Variants in SHC4 observed in about 807,000 individuals in gnomAD.
The protein encoded by SHC4 is SHC-transforming protein 4.
A neutral mutation model predicts 69.4 loss-of-function variants in SHC4; 41 were observed. The observed-to-expected ratio is 0.59, with a 90% CI of 0.46 to 0.77. The LOEUF is 0.77. Among genes scored for constraint, SHC4 ranks in the 30% least tolerant of loss-of-function variants. SHC4 has a pLI of 0.00. For missense variants in SHC4, 777 were observed against 783.8 expected (o/e 0.99, Z 0.10); for synonymous variants, 318 against 299.3 (o/e 1.06, Z -0.64).
At position 48,844,383 on chromosome 15, in the gene SHC4, T is replaced by C. The variant is rs538364027; in HGVS notation, c.1304-795A>G. ...AACAAGCTGTAGGCCTTGCTCTGTC[T>C]ACCCAGCTACCCTTCTTCCTCTCTC... On this transcript the variant is annotated intron_variant, in intron 9 of 11. Transcript: ENST00000332408. 7.9e-5 allele frequency among the ~76,000 whole-genome samples: 12 copies of C among 152,316 alleles called. No homozygotes were observed. The South Asian group carries it at 2.5e-3, about 32-fold the overall frequency.
intron 3 of SHC4, among the ~76,000 whole-genome samples, chr15:48,886,348 A>C (rs894337868): frequency 4.6e-5 from 7 of 152,204 alleles, no homozygotes; most frequent in African/African-American, 1.7e-4. Flanking sequence ...AAGAACTTTT[A>C]CGTAAATCAT....
At chr15:48,838,365 C>T (rs1477379291) in intron 10 of SHC4, among the ~76,000 whole-genome samples, 5 of 152,040 alleles carry the variant, frequency 3.3e-5, no homozygotes, top group African/African-American at 1.2e-4. Context: ...TAAATTTTAG[C>T]AAGTAAGCTA....
intron 3 of SHC4, among the ~76,000 whole-genome samples, chr15:48,886,146 ACT>A (rs71432269): frequency 0.13 from 20,060 of 152,088 alleles, 1,542 homozygotes; most frequent in Non-Finnish European, 0.17. Flanking sequence ...AATCCCAGCT[ACT>A]GAGGAGGCTG....
At chr15:48,878,397 G>A (rs780651046) in intron 4 of SHC4, 2 of 1,612,090 alleles carry the variant, frequency 1.2e-6, no homozygotes, top group Non-Finnish European at 1.7e-6. Context: ...GGGAAACGGA[G>A]CCTTGCTAAC....
chr15:48,847,652 C>G (rs1393631611), intron 9 of SHC4, among the ~76,000 whole-genome samples: 1 of 152,210 alleles, frequency 6.6e-6, no homozygotes, highest in Non-Finnish European at 1.5e-5. Flanking sequence ...ATTTGCTATT[C>G]TGGCAACTGC....
At chr15:48,899,044 G>GAAA (rs765788629) in intron 2 of SHC4, among the ~76,000 whole-genome samples, 1 of 87,850 alleles carries the variant, frequency 1.1e-5, no homozygotes, top group Non-Finnish European at 2.5e-5. Context: ...AGCTCATTTA[G>GAAA]AAAAAAAAAA....
intron 4 of SHC4, chr15:48,877,984 G>C (rs914286097): frequency 1.7e-6 from 1 of 582,624 alleles, no homozygotes; most frequent in Admixed American, 3.6e-5. Flanking sequence ...CTCAAAAGGC[G>C]ACGCCAACAC....
At chr15:48,893,194 A>G (rs896955308) in intron 2 of SHC4, among the ~76,000 whole-genome samples, 3 of 152,178 alleles carry the variant, frequency 2.0e-5, no homozygotes, top group African/African-American at 7.2e-5. Flanking sequence ...CCTTCCTGGC[A>G]GGGAGGGGAT....
chr15:48,882,069 A>G (rs1899956978), intron 4 of SHC4, among the ~76,000 whole-genome samples: 1 of 152,160 alleles, frequency 6.6e-6, no homozygotes, highest in Non-Finnish European at 1.5e-5. Context: ...ATTTCTTTGT[A>G]TTTATTTTAG....
intron 5 of SHC4, among the ~76,000 whole-genome samples, chr15:48,870,712 TTAAA>T (rs979848991): frequency 2.6e-5 from 4 of 152,112 alleles, no homozygotes; most frequent in African/African-American, 9.7e-5. Context: ...TTTGACATGC[TTAAA>T]TACTTTAGGT....
chr15:48,959,401 G>T (rs1307498122), intron 1 of SHC4, among the ~76,000 whole-genome samples: 3 of 152,138 alleles, frequency 2.0e-5, no homozygotes, highest in Non-Finnish European at 4.4e-5. Context: ...GATTCATTTT[G>T]TTCATGGATG....
At position 48,843,588 on chromosome 15, in the gene SHC4, C is replaced by T; in HGVS notation, c.1304G>A (p.Gly435Asp). 1 of 1,613,108 alleles carries T rather than the reference C, an allele frequency of 6.2e-7. No homozygotes were observed. The highest frequency in any genetic ancestry group is 1.1e-5 in the South Asian group (1 of 90,982). ...ENCLEQSRAI[G>D]NVHPRGVQSQ... ...CTGCACCCCTCTTGGATGGACATTACCTGTAGTGATTAGTAGTGATCAATA... is the reference window on the plus strand; with the variant it reads ...CTGCACCCCTCTTGGATGGACATTATCTGTAGTGATTAGTAGTGATCAATA... Residue 435 changes from glycine (G) to aspartate (D), a missense_variant and splice_region_variant, in exon 10 of 12, where the codon GGT (glycine) becomes GAT (aspartate). By Grantham distance (94) the Gly-to-Asp change is moderately conservative. Transcript: ENST00000332408.
At chr15:48,832,683 G>A (rs1345718982) in intron 11 of SHC4, among the ~76,000 whole-genome samples, 1 of 151,886 alleles carries the variant, frequency 6.6e-6, no homozygotes, top group Admixed American at 6.6e-5. Context: ...TGCATAAACT[G>A]GTCTGCTTGA....
At chr15:48,884,491 G>T in intron 3 of SHC4, 124 bp from the exon 4 acceptor site, 1 of 807,960 alleles carries the variant, frequency 1.2e-6, no homozygotes, top group Non-Finnish European at 1.7e-6. Flanking sequence ...TTTACTTTAT[G>T]TAAATCAAAT....
chr15:48,907,099 C>A (rs1221129858), intron 2 of SHC4, among the ~76,000 whole-genome samples: 1 of 151,810 alleles, frequency 6.6e-6, no homozygotes, highest in African/African-American at 2.4e-5. Context: ...CTACAATAAG[C>A]CAGATTTACT....
intron 9 of SHC4, among the ~76,000 whole-genome samples, chr15:48,849,110 T>C (rs767770161): frequency 1.3e-5 from 2 of 152,140 alleles, no homozygotes; most frequent in Admixed American, 1.3e-4. Flanking sequence ...AGGATGCTGT[T>C]GTAGGTTCGA....
At chr15:48,835,705 T>C (rs566074682) in intron 10 of SHC4, among the ~76,000 whole-genome samples, 59 of 151,590 alleles carry the variant, frequency 3.9e-4, no homozygotes, top group South Asian at 3.3e-3. Flanking sequence ...TTGTCCAGAG[T>C]TGAGAGCACT....
intron 4 of SHC4, among the ~76,000 whole-genome samples, chr15:48,872,984 C>T (rs1899714914): frequency 6.6e-6 from 1 of 152,102 alleles, no homozygotes; most frequent in Non-Finnish European, 1.5e-5. Context: ...TATAAGATGA[C>T]CAGCAATTTT....
At chr15:48,958,751 C>G (rs919675210) in intron 1 of SHC4, among the ~76,000 whole-genome samples, 7 of 152,206 alleles carry the variant, frequency 4.6e-5, no homozygotes, top group African/African-American at 1.7e-4. Context: ...AAATGAATGT[C>G]TGCTGATGGA....
Sources: gnomAD v4.1 joint callset for allele counts (sites outside exome capture counted in the v4.1 genomes callset) on GRCh38, gnomAD v4.1.1 for gene constraint, MANE v1.5 for transcripts, NCBI Gene and HGNC (gene_info 2026-07-23, HGNC 2026-07-21) for gene names.